SGCE: variants seen among roughly 807,000 people sequenced by gnomAD.
SGCE encodes sarcoglycan epsilon.
In SGCE, 26 loss-of-function variants were observed where a neutral mutation model predicts 57.8. The observed-to-expected ratio is 0.45, with a 90% CI of 0.33 to 0.62. SGCE has a LOEUF of 0.62. Among genes scored for constraint, SGCE ranks in the 20% least tolerant of loss-of-function variants. The pLI is 0.02. For synonymous variants in SGCE, 183 were observed against 189.5 expected, an observed-to-expected ratio of 0.97 and a Z score of 0.28; for missense variants, 468 against 548.6, an observed-to-expected ratio of 0.85 and a Z score of 1.47.
At chr7:94,639,556 C>T in intron 1 of SGCE, 1 of 662,774 alleles carries the variant, frequency 1.5e-6, no homozygotes. Context: ...TCCTTCCAGC[C>T]CAGCTAACTG....
chr7:94,646,326 T>C (rs1807068255), intron 1 of SGCE, among the ~76,000 whole-genome samples: 1 of 152,198 alleles, frequency 6.6e-6, no homozygotes, highest in South Asian at 2.1e-4. Flanking sequence ...AGTTAAACGT[T>C]CAATATAAGA....
intron 5 of SGCE, among the ~76,000 whole-genome samples, chr7:94,613,548 C>G (rs1056849598): frequency 2.4e-4 from 36 of 152,182 alleles, no homozygotes; most frequent in African/African-American, 8.4e-4. Flanking sequence ...AGAGTTGTTT[C>G]TTGTGAAGAA....
chr7:94,602,941 G>A (rs1239778852), intron 6 of SGCE, among the ~76,000 whole-genome samples: 1 of 151,990 alleles, frequency 6.6e-6, no homozygotes, highest in Middle Eastern at 3.2e-3. Context: ...TTCCAAAGTG[G>A]GTTAGTGGCA....
At chr7:94,616,997 C>G (rs972194648) in intron 5 of SGCE, 10 of 152,178 alleles carry the variant, frequency 6.6e-5, no homozygotes, top group African/African-American at 2.4e-4. Context: ...TCTCAAATAT[C>G]TGACGGCATG....
intron 5 of SGCE, among the ~76,000 whole-genome samples, chr7:94,615,269 G>C (rs1479937549): frequency 1.3e-5 from 2 of 152,134 alleles, no homozygotes; most frequent in Non-Finnish European, 2.9e-5. Flanking sequence ...TGAGGCAGGA[G>C]AATCGCTTGA....
Position 94,623,337 on chromosome 7 carries a change from T to TAAA in SGCE, c.450_451insTTT (p.Ile150_Met151insPhe). 6.3e-7 allele frequency: 1 copy of TAAA among 1,590,462 alleles called. No individual in the cohort carries two copies. Among genetic ancestry groups the TAAA allele is most frequent in the Non-Finnish European group, 8.6e-7 (1 of 1,160,336 alleles). On this transcript the variant is annotated inframe_insertion, in exon 4 of 11. Transcript: ENST00000648936. ...TTTTCATACCTACCTTCTGCAGACA[T>TAAA]TATATTAATTATCAAATTATGCCTT... is the stretch of plus-strand genomic sequence containing the variant.
intron 9 of SGCE, chr7:94,594,509 T>G (rs372780676): frequency 6.6e-6 from 1 of 151,954 alleles, no homozygotes; most frequent in East Asian, 1.9e-4. Flanking sequence ...CTGAGGAGAC[T>G]AAGGAGACAT....
intron 9 of SGCE, among the ~76,000 whole-genome samples, chr7:94,594,717 T>C (rs1798150224): frequency 1.3e-5 from 2 of 152,102 alleles, no homozygotes; most frequent in African/African-American, 4.8e-5. Context: ...GGGAACTCTC[T>C]ATTATCTTTG....
chr7:94,599,546 A>T (rs1338668814), intron 8 of SGCE, 151 bp downstream of exon 8: 2 of 684,436 alleles, frequency 2.9e-6, no homozygotes, highest in Admixed American at 2.6e-5. Context: ...CCTCCTAAAT[A>T]TCTCTATTTA....
chr7:94,599,804 C>T, intron 7 of SGCE, 81 bp from the exon 8 acceptor site: 1 of 1,022,030 alleles, frequency 9.8e-7, no homozygotes, highest in East Asian at 2.4e-5. Flanking sequence ...TGGGATCTTG[C>T]ATGATGTGGA....
intron 1 of SGCE, among the ~76,000 whole-genome samples, chr7:94,635,462 C>T (rs1805479670): frequency 6.6e-6 from 1 of 152,150 alleles, no homozygotes; most frequent in Non-Finnish European, 1.5e-5. Flanking sequence ...ATGTTAAGTA[C>T]TGACAAAAAA....
At chr7:94,593,952 T>C (rs1486399019) in intron 9 of SGCE, among the ~76,000 whole-genome samples, 2 of 151,984 alleles carry the variant, frequency 1.3e-5, no homozygotes, top group Non-Finnish European at 2.9e-5. Flanking sequence ...TACCATAACA[T>C]ACACTTCCAC....
At position 94,644,669 on chromosome 7, in the gene SGCE, T is replaced by C. The variant is rs942423163; in HGVS notation, c.109+11321A>G. On this transcript the variant is annotated intron_variant, in intron 1 of 10. Coordinates refer to ENST00000648936, the MANE Select transcript of SGCE (RefSeq NM_003919.3). ...TTCATTTGTCTCTTTCATATTCCAC[T>C]GTAAGGGGGATGAAAGACTTTGTTT... is the stretch of plus-strand genomic sequence containing the variant. 3.9e-6 allele frequency: 5 copies of C among 1,282,164 alleles called. No homozygotes were observed. In the African/African-American group the frequency reaches 6.1e-5, roughly 16 times the overall value. The allele number at this position is 1,282,164 out of a possible 1,614,324, so 79.4% of individuals were successfully genotyped here.
intron 1 of SGCE, among the ~76,000 whole-genome samples, chr7:94,640,287 C>T (rs1806198963): frequency 6.6e-6 from 1 of 152,130 alleles, no homozygotes; most frequent in Non-Finnish European, 1.5e-5. Flanking sequence ...ATTTAAAGTT[C>T]TTCTCCAGAG....
chr7:94,618,298 C>A (rs559765970), intron 5 of SGCE: 1 of 163,738 alleles, frequency 6.1e-6, no homozygotes, highest in East Asian at 1.8e-4. Flanking sequence ...AGGCTTTAGG[C>A]CTTTGTGTCA....
At chr7:94,620,060 G>T (rs1802528046) in intron 4 of SGCE, 1 of 152,102 alleles carries the variant, frequency 6.6e-6, no homozygotes, top group South Asian at 2.1e-4. Context: ...GTCCCCAGTA[G>T]TAATTACACT....
chr7:94,652,498 T>A (rs1476698687), intron 1 of SGCE, among the ~76,000 whole-genome samples: 1 of 152,222 alleles, frequency 6.6e-6, no homozygotes, highest in African/African-American at 2.4e-5. Context: ...ATATTTTGTG[T>A]ACTGCATGAT....
chr7:94,630,815 A>G (rs1394824084), intron 1 of SGCE, among the ~76,000 whole-genome samples: 3 of 151,948 alleles, frequency 2.0e-5, no homozygotes, highest in Non-Finnish European at 4.4e-5. Flanking sequence ...ATTTGTAAAT[A>G]TGGTAATTAA....
chr7:94,649,524 C>T (rs1807589074), intron 1 of SGCE, among the ~76,000 whole-genome samples: 2 of 152,178 alleles, frequency 1.3e-5, no homozygotes, highest in Admixed American at 1.3e-4. Context: ...TGAGCGTTGA[C>T]AAGCCAGAAA....
Sources: allele counts gnomAD v4.1 joint callset (sites outside exome capture counted in the v4.1 genomes callset), GRCh38; gene constraint gnomAD v4.1.1; transcripts MANE v1.5; gene names NCBI Gene and HGNC (gene_info 2026-07-23, HGNC 2026-07-21).